Variants in GTPBP1 observed in about 807,000 individuals in gnomAD.
GTPBP1 encodes the protein GTP binding protein 1, also known as GTP-binding protein 1.
A neutral mutation model predicts 62.0 loss-of-function variants in GTPBP1; 23 were observed. The ratio of observed to expected loss-of-function variants is 0.37; its 90% CI spans 0.27 to 0.53. The LOEUF is 0.53. Ranked by LOEUF, GTPBP1 falls within the 20% of genes least tolerant of loss-of-function variation. GTPBP1 has a pLI of 0.89. For synonymous variants in GTPBP1, 344 were observed against 364.4 expected (o/e 0.94, Z 0.64); for missense variants, 640 against 917.3 (o/e 0.70, Z 3.90).
At position 38,731,410 on chromosome 22, in the gene GTPBP1, A is replaced by C. The variant is rs2092759673; in HGVS notation, c.*706A>C. ...AAAGCTCTCTGGTTGTAACCTGGAG[A>C]CATGTGGAGGGGAATGGCGATGGGA... On this transcript the variant is annotated 3_prime_UTR_variant, in exon 12 of 12. Transcript: ENST00000216044. 6.6e-6 allele frequency: 1 copy of C among 152,560 alleles called. No homozygotes were observed. Among genetic ancestry groups the C allele is most frequent in the Admixed American group, 6.6e-5 (1 of 15,262 alleles). The allele number at this position is 152,560 out of a possible 1,614,324, so 9.5% of individuals were successfully genotyped here. A position where few individuals can be genotyped will look rare whatever the true frequency, so the allele number is the denominator to read the frequency against.
At chr22:38,739,284 G>A (rs557418189), downstream of GTPBP1, 146 of 1,570,032 alleles carry the variant, frequency 9.3e-5, no homozygotes, top group Non-Finnish European at 1.3e-4. This position sits in a 1 kb window ranked among gnomAD's most constrained non-coding sequence, Gnocchi z 6.7. Context: ...GTAGATGCCA[G>A]GGGACCGGCC....
rs975136134 is a variant in GTPBP1 at position 38,717,003 on chromosome 22, G to C, written c.834+3G>C. On this transcript the variant is annotated splice_donor_region_variant and intron_variant, in intron 4 of 11. Transcript: ENST00000216044. ...TGCCTGACTTCTGCATGCTCATGGTGAGTGGGAGGCGCCCCAAGGAGGGGA... is the reference window on the plus strand; with the variant it reads ...TGCCTGACTTCTGCATGCTCATGGTCAGTGGGAGGCGCCCCAAGGAGGGGA... The C allele has an allele frequency of 6.3e-7, 1 of 1,588,312 alleles. No homozygotes were observed. Among genetic ancestry groups the C allele is most frequent in the Non-Finnish European group, 8.6e-7 (1 of 1,158,288 alleles).
At chr22:38,743,017 A>G (rs2092873168), downstream of GTPBP1, 1 of 157,320 alleles carries the variant, frequency 6.4e-6, no homozygotes, top group Non-Finnish European at 1.4e-5. Context: ...TTCCCTAGGT[A>G]ACTATGGCTA....
At chr22:38,712,904 C>T (rs1014653569) in intron 2 of GTPBP1, among the ~76,000 whole-genome samples, 1 of 152,138 alleles carries the variant, frequency 6.6e-6, no homozygotes, top group Non-Finnish European at 1.5e-5. Flanking sequence ...CCTCTTTGTT[C>T]ATTTGTTTTA....
At position 38,726,506 on chromosome 22, in the gene GTPBP1, C is replaced by T. The variant is rs1479768860; in HGVS notation, c.1401+66C>T. 1.5e-6 allele frequency: 2 copies of T among 1,357,596 alleles called. No homozygotes were observed. The highest frequency in any genetic ancestry group is 1.0e-6 in the Non-Finnish European group (1 of 958,890). 84.1% of individuals were successfully genotyped at this position (1,357,596 alleles called of 1,614,324 possible). Reference sequence around the variant, plus strand: ...CATGCTAGGCTCTTGGCCAGATGCCCTGCTCACCCACTCTAGTCCTCATGG... The same window carrying T: ...CATGCTAGGCTCTTGGCCAGATGCCTTGCTCACCCACTCTAGTCCTCATGG... On this transcript the variant is annotated intron_variant, in intron 8 of 11. Coordinates refer to ENST00000216044, the MANE Select transcript of GTPBP1 (RefSeq NM_004286.5). This position sits in a 1 kb window ranked among gnomAD's most constrained non-coding sequence, Gnocchi z 4.1.
rs16999302 is a variant in GTPBP1 at position 38,730,170 on chromosome 22, C to T, written c.1918-442C>T. On this transcript the variant is annotated intron_variant, in intron 11 of 11. Transcript: ENST00000216044. The surrounding 1 kb of genome is among the most constrained non-coding windows in gnomAD (Gnocchi z 5.6). ...GTCTCCCACAGGCACTCTCTCCTGG[C>T]GTGATGAAGGCCTGGTGCCCCTTGC... 8.2e-3 allele frequency among the ~76,000 whole-genome samples: 1,248 copies of T among 152,286 alleles called. 21 individuals are homozygous for T. Among genetic ancestry groups the T allele is most frequent in the African/African-American group, 0.029 (1,187 of 41,548 alleles).
At chr22:38,740,156 T>C, downstream of GTPBP1, 1 of 1,371,894 alleles carries the variant, frequency 7.3e-7, no homozygotes, top group Non-Finnish European at 9.6e-7. This position sits in a 1 kb window ranked among gnomAD's most constrained non-coding sequence, Gnocchi z 4.8. Context: ...CACAGTCTCT[T>C]GGGCATAACA....
At chr22:38,706,383 G>C in intron 1 of GTPBP1, 1 of 334,942 alleles carries the variant, frequency 3.0e-6, no homozygotes, top group East Asian at 4.5e-5. Context: ...CCAGCCTCCC[G>C]CCCTCCCGTC....
At chr22:38,741,375 A>G, downstream of GTPBP1, 2 of 1,044,074 alleles carry the variant, frequency 1.9e-6, no homozygotes. Context: ...AGAGGAGGGC[A>G]CTCCCCTCCC....
rs766012711 is a variant in GTPBP1 at position 38,716,313 on chromosome 22, T to A, written c.485+226T>A. 6.0e-5 allele frequency: 35 copies of A among 587,768 alleles called. No homozygotes were observed. The highest frequency in any genetic ancestry group is 6.9e-5 in the Non-Finnish European group (23 of 331,554). The allele number at this position is 587,768 out of a possible 1,614,324, so 36.4% of individuals were successfully genotyped here. A position where few individuals can be genotyped will look rare whatever the true frequency, so the allele number is the denominator to read the frequency against. On this transcript the variant is annotated intron_variant, in intron 3 of 11. Transcript: ENST00000216044. The surrounding 1 kb of genome is among the most constrained non-coding windows in gnomAD (Gnocchi z 5.2). ...GCATTCTGTGGCCATTCTCTGTGGG[T>A]GTGTTTCTTTTCCCTTCAGCCTGTG...
intron 2 of GTPBP1, 48 bp from the exon 3 acceptor site, chr22:38,715,859 G>A (rs373122959): frequency 2.6e-6 from 4 of 1,515,294 alleles, no homozygotes. Flanking sequence ...TGGCAGGCTG[G>A]TTGGTCAGGA....
Position 38,727,504 on chromosome 22 carries a change from G to A in GTPBP1, c.1537+156G>A, listed in dbSNP as rs1020840807. ...GTTCCTTCTGTTCTACCCATGAGCC[G>A]CAGTGTTGATTCCTTCCCACAAACA... On this transcript the variant is annotated intron_variant, in intron 9 of 11. Coordinates refer to ENST00000216044, the MANE Select transcript of GTPBP1 (RefSeq NM_004286.5). The surrounding 1 kb of genome is among the most constrained non-coding windows in gnomAD (Gnocchi z 6.5). Among the ~76,000 whole-genome samples, 1 of 152,006 alleles carries A rather than the reference G, an allele frequency of 6.6e-6. No homozygotes were observed. The highest frequency in any genetic ancestry group is 1.5e-5 in the Non-Finnish European group (1 of 67,996).
At chr22:38,736,291 T>C (rs1359648835), downstream of GTPBP1, 1 of 1,613,850 alleles carries the variant, frequency 6.2e-7, no homozygotes, top group South Asian at 1.1e-5. Flanking sequence ...CCCCATGCAC[T>C]CTGAAGCGGT....
chr22:38,709,466 C>G (rs1286279154), intron 2 of GTPBP1, among the ~76,000 whole-genome samples: 1 of 152,136 alleles, frequency 6.6e-6, no homozygotes, highest in Non-Finnish European at 1.5e-5. Flanking sequence ...ACTTTCCAAG[C>G]AGTTTTACAG....
Position 38,729,456 on chromosome 22 carries a change from C to A in GTPBP1, c.1717-6C>A. Reference sequence around the variant, plus strand: ...CAGCCTCAGCCTCTCTCCATGGCTCCCACAGCTCCTCCAGACCACCAACAA... The same window carrying A: ...CAGCCTCAGCCTCTCTCCATGGCTCACACAGCTCCTCCAGACCACCAACAA... On this transcript the variant is annotated splice_polypyrimidine_tract_variant and splice_region_variant and intron_variant, in intron 10 of 11. Coordinates refer to ENST00000216044, the MANE Select transcript of GTPBP1 (RefSeq NM_004286.5). 6.3e-7 allele frequency: 1 copy of A among 1,593,990 alleles called. No individual in the cohort carries two copies. Among genetic ancestry groups the A allele is most frequent in the South Asian group, 1.1e-5 (1 of 89,020 alleles).
chr22:38,737,648 T>A, downstream of GTPBP1: 3 of 340,802 alleles, frequency 8.8e-6, no homozygotes, highest in South Asian at 6.8e-5. The surrounding 1 kb of genome is among the most constrained non-coding windows in gnomAD (Gnocchi z 4.1). Context: ...ACTCCAGGAC[T>A]CCCCCGGTGT....
chr22:38,729,785 G>A, intron 11 of GTPBP1, 123 bp downstream of exon 11: 2 of 595,214 alleles, frequency 3.4e-6, no homozygotes, highest in Non-Finnish European at 5.2e-6. Flanking sequence ...CACAGCTCTG[G>A]CACTGAAGTG....
chr22:38,709,768 C>G (rs534206963), intron 2 of GTPBP1, among the ~76,000 whole-genome samples: 2 of 152,338 alleles, frequency 1.3e-5, no homozygotes, highest in African/African-American at 4.8e-5. Flanking sequence ...ACTATTTAGT[C>G]TGGATAGCTG....
downstream of GTPBP1, chr22:38,734,477 A>G: frequency 3.0e-6 from 1 of 336,296 alleles, no homozygotes; most frequent in Non-Finnish European, 6.1e-6. Flanking sequence ...ACCCTTTGTG[A>G]TGGGTTATCA....
Sources: gnomAD v4.1 joint callset for allele counts (sites outside exome capture counted in the v4.1 genomes callset) on GRCh38, gnomAD v4.1.1 for gene constraint, Gnocchi (gnomAD v3.1) non-coding constraint, MANE v1.5 for transcripts, NCBI Gene and HGNC (gene_info 2026-07-23, HGNC 2026-07-21) for gene names.